The following GSG1L variants were observed in gnomAD, a reference collection of about 807,000 sequenced individuals.
The protein encoded by GSG1L is GSG1 like.
Under a neutral mutation model 42.1 loss-of-function variants are expected in GSG1L, and 24 were observed. The ratio of observed to expected loss-of-function variants is 0.57; its 90% CI spans 0.41 to 0.80. The LOEUF is 0.80. GSG1L is among the 30% of genes least tolerant of loss of function. The pLI is 0.00. For synonymous variants in GSG1L, 215 were observed against 203.5 expected, an observed-to-expected ratio of 1.06 and a Z score of -0.48; for missense variants, 445 against 472.2, an observed-to-expected ratio of 0.94 and a Z score of 0.53.
chr16:27,954,949 C>G (rs532945372), intron 2 of GSG1L, among the ~76,000 whole-genome samples: 1 of 152,300 alleles, frequency 6.6e-6, no homozygotes, highest in Admixed American at 6.5e-5. Context: ...TGTGAGCCAT[C>G]ATGCCTGGCC....
Position 28,062,947 on chromosome 16 carries a change from C to A in GSG1L, c.349+129G>T, listed in dbSNP as rs1259876624. 2.5e-6 allele frequency: 3 copies of A among 1,181,608 alleles called. No individual in the cohort carries two copies. The East Asian group carries it at 1.1e-4, about 45-fold the overall frequency. The allele number at this position is 1,181,608 out of a possible 1,614,324, so 73.2% of individuals were successfully genotyped here. A position where few individuals can be genotyped will look rare whatever the true frequency, so the allele number is the denominator to read the frequency against. ...CCCTGCCCCGGAACGTCGCCCCTAG[C>A]CAGGCGGAGCGCTGGGAGCTGGGCC... On this transcript the variant is annotated intron_variant, in intron 1 of 6. Transcript: ENST00000447459.
At chr16:27,819,044 TCAAGAC>T (rs546310004) in intron 5 of GSG1L, among the ~76,000 whole-genome samples, 14 of 152,026 alleles carry the variant, frequency 9.2e-5, no homozygotes, top group Non-Finnish European at 2.1e-4. Context: ...GGTCAGGAGT[TCAAGAC>T]CAGCCTGACC....
chr16:27,839,837 C>T (rs565196406), intron 4 of GSG1L, among the ~76,000 whole-genome samples: 2 of 148,764 alleles, frequency 1.3e-5, no homozygotes, highest in South Asian at 2.1e-4. Flanking sequence ...AGAAATCATC[C>T]GCAGGCTGGG....
intron 6 of GSG1L, among the ~76,000 whole-genome samples, chr16:27,797,220 G>A (rs1214522055): frequency 6.6e-6 from 1 of 152,130 alleles, no homozygotes; most frequent in East Asian, 1.9e-4. Flanking sequence ...AAACTATGCA[G>A]CCATTAAAAA....
rs190886808 is a variant in GSG1L at position 28,016,928 on chromosome 16, A to G, written c.349+46148T>C. Reference sequence around the variant, plus strand: ...TCCACAGCATGCTCATCTCCCTGCAATGTGCAACTCTGAGAATCCTAGATC... The same window carrying G: ...TCCACAGCATGCTCATCTCCCTGCAGTGTGCAACTCTGAGAATCCTAGATC... On this transcript the variant is annotated intron_variant, in intron 1 of 6. Coordinates refer to ENST00000447459, the MANE Select transcript of GSG1L (RefSeq NM_001109763.2). Among the ~76,000 whole-genome samples the G allele has an allele frequency of 2.6e-5, 4 of 152,258 alleles. No individual in the cohort carries two copies. The East Asian group carries it at 7.7e-4, about 29-fold the overall frequency.
chr16:28,005,158 G>A (rs2085624770), intron 1 of GSG1L, among the ~76,000 whole-genome samples: 1 of 152,138 alleles, frequency 6.6e-6, no homozygotes, highest in East Asian at 1.9e-4. Flanking sequence ...TTGTTGCCCA[G>A]GCTGGAGTGC....
intron 2 of GSG1L, among the ~76,000 whole-genome samples, chr16:27,898,246 G>A (rs753546208): frequency 5.9e-5 from 9 of 152,136 alleles, no homozygotes; most frequent in Non-Finnish European, 1.2e-4. Flanking sequence ...TTGAAAATAA[G>A]CACTGGCCCA....
At chr16:27,951,098 T>C (rs1046601517) in intron 2 of GSG1L, among the ~76,000 whole-genome samples, 1 of 152,188 alleles carries the variant, frequency 6.6e-6, no homozygotes. Context: ...CAAGGCAAGA[T>C]GGACGAAGGT....
chr16:27,849,984 TG>T (rs2083490038), intron 3 of GSG1L, among the ~76,000 whole-genome samples: 1 of 145,076 alleles, frequency 6.9e-6, no homozygotes, highest in African/African-American at 2.6e-5. Flanking sequence ...GAAGTTTGGG[TG>T]GGTAGAATCC....
At chr16:27,841,527 C>T (rs907196564) in intron 4 of GSG1L, among the ~76,000 whole-genome samples, 1 of 152,192 alleles carries the variant, frequency 6.6e-6, no homozygotes, top group Non-Finnish European at 1.5e-5. Context: ...GTTCTCCTCT[C>T]CAGTACCGGG....
intron 6 of GSG1L, among the ~76,000 whole-genome samples, chr16:27,800,030 C>A (rs1209672172): frequency 1.3e-5 from 2 of 152,110 alleles, no homozygotes; most frequent in Non-Finnish European, 1.5e-5. Flanking sequence ...GAGGGTGGGG[C>A]CCTGCAGTCC....
At chr16:27,983,941 C>T (rs982933403) in intron 1 of GSG1L, among the ~76,000 whole-genome samples, 13 of 152,086 alleles carry the variant, frequency 8.5e-5, no homozygotes, top group South Asian at 2.1e-4. Flanking sequence ...GGTCTTTAAA[C>T]GACACCTGTG....
In GSG1L at chr16:27,855,756, G is replaced by A. The variant is rs1035847800; in HGVS notation, c.551-10695C>T. ...AAAAAAAAAAGAGACCAACGGAACA[G>A]ACATGGCCCCTACCCACTGTGAGTT... On this transcript the variant is annotated intron_variant, in intron 3 of 6. Transcript: ENST00000447459. 3.4e-5 allele frequency among the ~76,000 whole-genome samples: 5 copies of A among 148,666 alleles called. No homozygotes were observed. In the South Asian group the frequency reaches 6.4e-4, roughly 19 times the overall value.
At chr16:27,966,253 C>T (rs2085132030) in intron 1 of GSG1L, among the ~76,000 whole-genome samples, 1 of 152,210 alleles carries the variant, frequency 6.6e-6, no homozygotes, top group Non-Finnish European at 1.5e-5. Context: ...GGATTCCTAA[C>T]AGCTACAACA....
At chr16:27,809,582 A>G (rs1003497722) in intron 5 of GSG1L, among the ~76,000 whole-genome samples, 47 of 144,710 alleles carry the variant, frequency 3.2e-4, no homozygotes, top group African/African-American at 1.1e-3. Context: ...GTCTGAGAAA[A>G]AAAAAAAAAC....
intron 1 of GSG1L, among the ~76,000 whole-genome samples, chr16:28,048,297 AGG>A (rs1291982521): frequency 6.6e-6 from 1 of 152,196 alleles, no homozygotes; most frequent in East Asian, 1.9e-4. Flanking sequence ...AACTGCACAC[AGG>A]GAATGTACCT....
At chr16:27,836,463 T>C (rs553439930) in intron 4 of GSG1L, among the ~76,000 whole-genome samples, 88 of 152,306 alleles carry the variant, frequency 5.8e-4, no homozygotes, top group Non-Finnish European at 1.0e-3. Flanking sequence ...TCCCATCCTC[T>C]TCCTCCTTTT....
intron 1 of GSG1L, among the ~76,000 whole-genome samples, chr16:28,019,611 C>T (rs2085816805): frequency 6.6e-6 from 1 of 152,206 alleles, no homozygotes; most frequent in Admixed American, 6.5e-5. Context: ...CTGTCTTGCA[C>T]AAGATCCAAG....
At chr16:27,864,669 A>G (rs1358408045) in intron 3 of GSG1L, among the ~76,000 whole-genome samples, 1 of 152,254 alleles carries the variant, frequency 6.6e-6, no homozygotes, top group East Asian at 1.9e-4. Context: ...CCCCTTGGAC[A>G]TGAGACAACC....
Sources: allele counts gnomAD v4.1 joint callset (sites outside exome capture counted in the v4.1 genomes callset), GRCh38; gene constraint gnomAD v4.1.1; transcripts MANE v1.5; gene names NCBI Gene and HGNC (gene_info 2026-07-23, HGNC 2026-07-21).